Variants in ANP32E observed in about 807,000 individuals in gnomAD.
The protein encoded by ANP32E is acidic leucine-rich nuclear phosphoprotein 32 family member E.
A neutral mutation model predicts 35.3 loss-of-function variants in ANP32E; 14 were observed. The ratio of observed to expected loss-of-function variants is 0.40; its 90% CI spans 0.26 to 0.62. The LOEUF (loss-of-function observed/expected upper bound fraction) is 0.62, where lower values mean the gene tolerates loss of function less well. Ranked by LOEUF, ANP32E falls within the 20% of genes least tolerant of loss-of-function variation. ANP32E has a pLI of 0.45. For synonymous variants in ANP32E, 89 were observed against 110.4 expected (o/e 0.81, Z 1.22); for missense variants, 198 against 304.4 (o/e 0.65, Z 2.60).
chr1:150,226,887 A>C, intron 4 of ANP32E, 92 bp from the exon 5 acceptor site: 1 of 1,462,496 alleles, frequency 6.8e-7, no homozygotes, highest in Non-Finnish European at 9.0e-7. Context: ...ATCACTTCAA[A>C]CTTGTAAGCC....
intron 3 of ANP32E, among the ~76,000 whole-genome samples, chr1:150,229,581 C>G (rs895217450): frequency 6.6e-6 from 1 of 152,158 alleles, no homozygotes; most frequent in Non-Finnish European, 1.5e-5. Flanking sequence ...CGGGTTCAAG[C>G]GATTCTCCTG....
At chr1:150,228,412 CG>C (rs1649057616) in intron 4 of ANP32E, among the ~76,000 whole-genome samples, 1 of 152,074 alleles carries the variant, frequency 6.6e-6, no homozygotes, top group South Asian at 2.1e-4. Flanking sequence ...TTCATCGGGC[CG>C]GGGCGTGGTG....
chr1:150,227,596 G>C (rs960286367), intron 4 of ANP32E, among the ~76,000 whole-genome samples: 1 of 151,532 alleles, frequency 6.6e-6, no homozygotes, highest in Non-Finnish European at 1.5e-5. Flanking sequence ...AACTTCAAAA[G>C]AGGGGAAGGA....
chr1:150,229,301 T>TTTTC, intron 3 of ANP32E, 64 bp from the exon 4 acceptor site: 3 of 893,728 alleles, frequency 3.4e-6, no homozygotes, highest in Admixed American at 7.0e-5. Context: ...CTTTTTTCTT[T>TTTTC]TTTTTTTTTT....
At chr1:150,222,783 A>G (rs2101761441) in intron 6 of ANP32E, among the ~76,000 whole-genome samples, 1 of 151,654 alleles carries the variant, frequency 6.6e-6, no homozygotes, top group East Asian at 1.9e-4. Flanking sequence ...ATATATATAT[A>G]TATAAATTTT....
At chr1:150,229,306 T>C (rs1488711798) in intron 3 of ANP32E, 69 bp from the exon 4 acceptor site, 7 of 1,031,054 alleles carry the variant, frequency 6.8e-6, no homozygotes, top group East Asian at 5.4e-5. Flanking sequence ...TTCTTTTTTT[T>C]TTTTTTTTTT....
At chr1:150,231,474 A>G (rs1649339569) in intron 2 of ANP32E, among the ~76,000 whole-genome samples, 1 of 152,104 alleles carries the variant, frequency 6.6e-6, no homozygotes, top group Admixed American at 6.6e-5. Flanking sequence ...GCATGCCTGT[A>G]GTCTCAGCTA....
rs1304332955 is a variant in ANP32E, at chr1:150,231,720, A to G, written c.204+57T>C. 12 of 1,511,330 alleles carry G rather than the reference A, an allele frequency of 7.9e-6. No individual in the cohort carries two copies. In the Admixed American group the frequency reaches 1.8e-4, roughly 22 times the overall value. 93.6% of individuals were successfully genotyped at this position (1,511,330 alleles called of 1,614,324 possible). On this transcript the variant is annotated intron_variant, in intron 2 of 6. Coordinates refer to ENST00000583931, the MANE Select transcript of ANP32E (RefSeq NM_030920.5). ...GAATGGTCATTCCATTTGGCCAAAC[A>G]CTAGACATATAGCCGTGGCATTGAA...
intron 2 of ANP32E, 74 bp from the exon 3 acceptor site, chr1:150,230,767 A>G (rs782386574): frequency 1.3e-5 from 17 of 1,315,192 alleles, no homozygotes; most frequent in Non-Finnish European, 1.7e-5. Flanking sequence ...TTTGAAATGT[A>G]GTCTCACTCT....
chr1:150,221,276 T>TA (rs1197780254), intron 6 of ANP32E, among the ~76,000 whole-genome samples: 1 of 149,892 alleles, frequency 6.7e-6, no homozygotes, highest in Non-Finnish European at 1.5e-5. Flanking sequence ...CCATCTCTAC[T>TA]AAAAATATAA....
At chr1:150,232,924 G>A (rs1649480561) in intron 1 of ANP32E, among the ~76,000 whole-genome samples, 1 of 152,126 alleles carries the variant, frequency 6.6e-6, no homozygotes. Context: ...TATGCAAGGA[G>A]CGAGTACCTG....
intron 5 of ANP32E, among the ~76,000 whole-genome samples, chr1:150,224,786 T>G (rs1052755849): frequency 5.9e-5 from 9 of 152,170 alleles, no homozygotes; most frequent in East Asian, 3.8e-4. Flanking sequence ...AGATGTTATT[T>G]TTAATAATAA....
Position 150,235,885 on chromosome 1 carries a change from A to C in ANP32E, c.-99T>G. 1 of 815,598 alleles carries C rather than the reference A, an allele frequency of 1.2e-6. No individual in the cohort carries two copies. Among genetic ancestry groups the C allele is most frequent in the Non-Finnish European group, 2.0e-6 (1 of 494,740 alleles). 50.5% of individuals were successfully genotyped at this position (815,598 alleles called of 1,614,324 possible). A position where few individuals can be genotyped will look rare whatever the true frequency, so the allele number is the denominator to read the frequency against. Reference sequence around the variant, plus strand: ...TTTTAAGAGATTTAGAAATGAATGAAAAGGAACGCAAATATAAACGCCCAC... The same window carrying C: ...TTTTAAGAGATTTAGAAATGAATGACAAGGAACGCAAATATAAACGCCCAC... On this transcript the variant is annotated 5_prime_UTR_variant, in exon 1 of 7. Transcript: ENST00000583931. This position sits in a 1 kb window ranked among gnomAD's most constrained non-coding sequence, Gnocchi z 4.2.
rs1648246405 is a variant in ANP32E, at chr1:150,220,404, G to A, written c.*287C>T. On this transcript the variant is annotated 3_prime_UTR_variant, in exon 7 of 7. Coordinates refer to ENST00000583931, the MANE Select transcript of ANP32E (RefSeq NM_030920.5). ...AAAAGTGATCATGTTTTAATTATGGGCTAAAAATGACTAATACAGTAAGCT... is the reference window on the plus strand; with the variant it reads ...AAAAGTGATCATGTTTTAATTATGGACTAAAAATGACTAATACAGTAAGCT... 6.9e-6 allele frequency: 2 copies of A among 290,586 alleles called. No homozygotes were observed. The highest frequency in any genetic ancestry group is 4.7e-5 in the Admixed American group (1 of 21,112). 18.0% of individuals were successfully genotyped at this position (290,586 alleles called of 1,614,324 possible).
chr1:150,232,081 A>C (rs1053027570), intron 1 of ANP32E, among the ~76,000 whole-genome samples, 155 bp from the exon 2 acceptor site: 1 of 152,120 alleles, frequency 6.6e-6, no homozygotes, highest in Non-Finnish European at 1.5e-5. Flanking sequence ...GCGGTGGCTC[A>C]CGCCTGTAAT....
Position 150,226,020 on chromosome 1 carries a change from T to TTC in ANP32E, c.681+587_681+588insGA, listed in dbSNP as rs1648847607. 2.0e-5 allele frequency among the ~76,000 whole-genome samples: 3 copies of TTC among 151,374 alleles called. No homozygotes were observed. The South Asian group carries it at 6.3e-4, about 32-fold the overall frequency. The stretch of plus-strand genomic sequence containing the variant: ...TTGATATAACCTGTTTTTTTTTTTT[T>TTC]TTTGAGACAGAGTCTTGCTCCGTTG... On this transcript the variant is annotated intron_variant, in intron 5 of 6. Transcript: ENST00000583931.
chr1:150,232,036 G>C (rs1262727046), intron 1 of ANP32E, 110 bp from the exon 2 acceptor site: 2 of 1,150,338 alleles, frequency 1.7e-6, no homozygotes, highest in Non-Finnish European at 2.4e-6. Flanking sequence ...TCTCCAGTTT[G>C]ATTGCCCGTC....
At chr1:150,228,990 A>G in intron 4 of ANP32E, 82 bp downstream of exon 4, 1 of 1,329,958 alleles carries the variant, frequency 7.5e-7, no homozygotes, top group Non-Finnish European at 1.0e-6. Flanking sequence ...TTTCACACCT[A>G]AATTTCCAGG....
rs1387608051 is a variant in ANP32E, at chr1:150,235,177, G to C, written c.54+556C>G. ...AGAGGGCGGCGCGCGCGGCTTCCCGGAGGAGTGGGCGCCGCCGGAGCAGAC... is the reference window on the plus strand; with the variant it reads ...AGAGGGCGGCGCGCGCGGCTTCCCGCAGGAGTGGGCGCCGCCGGAGCAGAC... On this transcript the variant is annotated intron_variant, in intron 1 of 6. Coordinates refer to ENST00000583931, the MANE Select transcript of ANP32E (RefSeq NM_030920.5). This position sits in a 1 kb window ranked among gnomAD's most constrained non-coding sequence, Gnocchi z 4.2. Among the ~76,000 whole-genome samples, 2 of 152,238 alleles carry C rather than the reference G, an allele frequency of 1.3e-5. No homozygotes were observed. Among genetic ancestry groups the C allele is most frequent in the African/African-American group, 4.8e-5 (2 of 41,474 alleles).
Sources: gnomAD v4.1 joint callset for allele counts (sites outside exome capture counted in the v4.1 genomes callset) on GRCh38, gnomAD v4.1.1 for gene constraint, Gnocchi (gnomAD v3.1) non-coding constraint, MANE v1.5 for transcripts, NCBI Gene and HGNC (gene_info 2026-07-23, HGNC 2026-07-21) for gene names.